The following NEGR1 variants were observed in gnomAD, a reference collection of about 807,000 sequenced individuals.
NEGR1 encodes the protein neuronal growth regulator 1, also known as IgLON family member 4.
Under a neutral mutation model 40.9 loss-of-function variants are expected in NEGR1, and 10 were observed. The observed-to-expected ratio is 0.24, with a 90% CI of 0.15 to 0.42. The LOEUF is 0.42. Among genes scored for constraint, NEGR1 ranks in the 10% least tolerant of loss-of-function variants. NEGR1 has a pLI of 1.00. For missense variants in NEGR1, 352 were observed against 438.9 expected, an observed-to-expected ratio of 0.80 and a Z score of 1.77; for synonymous variants, 185 against 166.8, an observed-to-expected ratio of 1.11 and a Z score of -0.84.
At chr1:71,974,920 A>G (rs1646288732) in intron 1 of NEGR1, among the ~76,000 whole-genome samples, 1 of 152,198 alleles carries the variant, frequency 6.6e-6, no homozygotes, top group South Asian at 2.1e-4. Context: ...AAATAAATAT[A>G]TATTCCTTTA....
At chr1:72,176,499 A>C (rs573630717) in intron 1 of NEGR1, among the ~76,000 whole-genome samples, 2 of 152,078 alleles carry the variant, frequency 1.3e-5, no homozygotes, top group South Asian at 4.1e-4. Context: ...ATGAGGGTCC[A>C]GAGAAGGACT....
chr1:71,606,574 C>T lies in NEGR1; in HGVS notation c.788+4452G>A, dbSNP rs559075787. 2.2e-4 allele frequency among the ~76,000 whole-genome samples: 34 copies of T among 152,176 alleles called. No homozygotes were observed. In the South Asian group the frequency reaches 6.0e-3, roughly 27 times the overall value. Reference sequence around the variant, plus strand: ...TCAGAAACAAGGGAAAGAACATGGGCCGAGAGGTTATCACATCTAAAATGT... The same window carrying T: ...TCAGAAACAAGGGAAAGAACATGGGTCGAGAGGTTATCACATCTAAAATGT... On this transcript the variant is annotated intron_variant, in intron 5 of 6. Coordinates refer to ENST00000357731, the MANE Select transcript of NEGR1 (RefSeq NM_173808.3).
intron 4 of NEGR1, among the ~76,000 whole-genome samples, chr1:71,661,126 G>A (rs1652040436): frequency 6.6e-6 from 1 of 152,124 alleles, no homozygotes; most frequent in South Asian, 2.1e-4. Context: ...TCGGTTCCAA[G>A]TCTTTGCTAT....
At chr1:72,250,063 C>T (rs144074510) in intron 1 of NEGR1, among the ~76,000 whole-genome samples, 8 of 152,156 alleles carry the variant, frequency 5.3e-5, no homozygotes, top group African/African-American at 1.2e-4. Flanking sequence ...ATAAAATGTG[C>T]GTAAAGTATA....
chr1:72,135,404 C>CAAAAAAAAAAAAAAAAAACAAAAAAAAA, intron 1 of NEGR1, among the ~76,000 whole-genome samples: 1 of 65,796 alleles, frequency 1.5e-5, no homozygotes, highest in Non-Finnish European at 2.6e-5. Context: ...AAACAAAAAA[C>CAAAAAAAAAAAAAAAAAACAAAAAAAAA]AAAAAAAAAA....
At position 71,636,578 on chromosome 1, in the gene NEGR1, T is replaced by G. The variant is rs1052148421; in HGVS notation, c.668-25432A>C. Among the ~76,000 whole-genome samples, 9 of 152,152 alleles carry G rather than the reference T, an allele frequency of 5.9e-5. No homozygotes were observed. The South Asian group carries it at 1.9e-3, about 32-fold the overall frequency. ...AAAGCAAGCTTCTCCAATGGAAAGG[T>G]TCCATAAGATTCTATCAGGTGCTCA... On this transcript the variant is annotated intron_variant, in intron 4 of 6. Transcript: ENST00000357731.
At chr1:71,615,283 T>A (rs1269417976) in intron 4 of NEGR1, among the ~76,000 whole-genome samples, 2 of 119,096 alleles carry the variant, frequency 1.7e-5, no homozygotes, top group African/African-American at 5.0e-5. Flanking sequence ...AGGGATCACA[T>A]TAATGAAAAA....
intron 2 of NEGR1, among the ~76,000 whole-genome samples, chr1:71,920,292 G>C (rs1402852647): frequency 6.6e-6 from 1 of 152,162 alleles, no homozygotes; most frequent in African/African-American, 2.4e-5. Context: ...GACAATGCGA[G>C]TTTATACATC....
intron 1 of NEGR1, among the ~76,000 whole-genome samples, chr1:71,944,818 A>T (rs1312392891): frequency 6.6e-6 from 1 of 152,172 alleles, no homozygotes; most frequent in Non-Finnish European, 1.5e-5. Context: ...TATGAATAAA[A>T]AATGGTTACA....
At chr1:71,499,449 T>C (rs1646985293) in intron 6 of NEGR1, among the ~76,000 whole-genome samples, 1 of 147,956 alleles carries the variant, frequency 6.8e-6, no homozygotes, top group Non-Finnish European at 1.5e-5. Context: ...ATAACATATA[T>C]AATTATATAT....
chr1:72,195,013 A>G (rs1469892833), intron 1 of NEGR1, among the ~76,000 whole-genome samples: 1 of 152,020 alleles, frequency 6.6e-6, no homozygotes, highest in Non-Finnish European at 1.5e-5. Flanking sequence ...CTTCTCCCTC[A>G]TGCATGTGTT....
At chr1:71,666,983 G>T (rs1652264948) in intron 4 of NEGR1, among the ~76,000 whole-genome samples, 1 of 151,990 alleles carries the variant, frequency 6.6e-6, no homozygotes, top group African/African-American at 2.4e-5. Context: ...CAAATATTTT[G>T]TCTGGTATTA....
chr1:72,270,657 T>C (rs1439774085), intron 1 of NEGR1, among the ~76,000 whole-genome samples: 4 of 151,926 alleles, frequency 2.6e-5, no homozygotes, highest in African/African-American at 9.7e-5. Flanking sequence ...TGTCATTACA[T>C]ATTTCTAATT....
chr1:71,971,332 C>A (rs1168203508), intron 1 of NEGR1, among the ~76,000 whole-genome samples: 4 of 152,144 alleles, frequency 2.6e-5, no homozygotes, highest in Non-Finnish European at 5.9e-5. Flanking sequence ...ATGGTCCATG[C>A]TTTGTTATGA....
chr1:71,509,998 C>G (rs1451101224), intron 6 of NEGR1, among the ~76,000 whole-genome samples: 1 of 152,140 alleles, frequency 6.6e-6, no homozygotes, highest in Admixed American at 6.5e-5. Flanking sequence ...AATACTGCCC[C>G]AGATGGGACC....
intron 1 of NEGR1, among the ~76,000 whole-genome samples, chr1:72,017,106 A>G (rs1183974952): frequency 6.8e-6 from 1 of 148,128 alleles, no homozygotes; most frequent in Non-Finnish European, 1.5e-5. Flanking sequence ...CAAATAATAC[A>G]CACATATATA....
At chr1:71,584,736 C>T (rs1488291039) in intron 6 of NEGR1, among the ~76,000 whole-genome samples, 1 of 152,076 alleles carries the variant, frequency 6.6e-6, no homozygotes, top group African/African-American at 2.4e-5. Context: ...CTCACAGGAC[C>T]TCCAAAAGGC....
intron 2 of NEGR1, among the ~76,000 whole-genome samples, chr1:71,883,783 T>A (rs1660649432): frequency 7.1e-6 from 1 of 140,258 alleles, no homozygotes; most frequent in South Asian, 2.4e-4. Flanking sequence ...TATCCAAGTG[T>A]TCTCATTGTT....
intron 1 of NEGR1, among the ~76,000 whole-genome samples, chr1:72,117,517 G>C (rs1340521851): frequency 6.6e-6 from 1 of 151,716 alleles, no homozygotes; most frequent in Admixed American, 6.6e-5. Context: ...TCTAGAATGA[G>C]ATATCTAACT....
Sources: gnomAD v4.1 joint callset for allele counts (sites outside exome capture counted in the v4.1 genomes callset) on GRCh38, gnomAD v4.1.1 for gene constraint, MANE v1.5 for transcripts, NCBI Gene and HGNC (gene_info 2026-07-23, HGNC 2026-07-21) for gene names.